Variants in SOS1 observed in about 807,000 individuals in gnomAD.
The protein encoded by SOS1 is SOS Ras/Rac guanine nucleotide exchange factor 1, also known as son of sevenless homolog 1.
Under a neutral mutation model 157.6 loss-of-function variants are expected in SOS1, and 25 were observed. The observed-to-expected ratio is 0.16, with a 90% CI of 0.12 to 0.22. The LOEUF (loss-of-function observed/expected upper bound fraction) is 0.22. Among genes scored for constraint, SOS1 ranks in the 10% least tolerant of loss-of-function variants. The probability of loss-of-function intolerance (pLI) is 1.00; values close to 1 mark genes in which losing one functional copy is unlikely to be tolerated. For synonymous variants in SOS1, 528 were observed against 534.0 expected (o/e 0.99, Z 0.16); for missense variants, 1,237 against 1,599.1 (o/e 0.77, Z 3.86).
intron 1 of SOS1, among the ~76,000 whole-genome samples, chr2:39,119,560 A>G (rs1395806040): frequency 6.6e-6 from 1 of 152,246 alleles, no homozygotes; most frequent in African/African-American, 2.4e-5. Context: ...AAAGAAAACA[A>G]AAATAGTCTG....
chr2:39,105,687 C>A (rs932224421), intron 1 of SOS1, among the ~76,000 whole-genome samples: 2 of 151,872 alleles, frequency 1.3e-5, no homozygotes, highest in African/African-American at 4.8e-5. Flanking sequence ...GACCTGAAAT[C>A]AGGAGTTCAA....
chr2:39,004,726 T>C (rs933543313), intron 17 of SOS1, among the ~76,000 whole-genome samples: 8 of 152,040 alleles, frequency 5.3e-5, no homozygotes, highest in African/African-American at 1.9e-4. Flanking sequence ...ACAAGGCAGA[T>C]TGTTTGCAGG....
chr2:39,038,334 T>C (rs574912033), intron 6 of SOS1, among the ~76,000 whole-genome samples: 15 of 152,198 alleles, frequency 9.9e-5, no homozygotes, highest in Admixed American at 5.9e-4. Context: ...GTGGTGGAAA[T>C]AGAAAGAGAA....
Position 39,051,237 on chromosome 2 carries a change from T to C in SOS1, c.771A>G (p.Val257=), listed in dbSNP as rs1671007109. Residue 257 remains valine (V), a synonymous_variant, in exon 6 of 23, where the codon GTA becomes GTG. Coordinates refer to ENST00000402219, the MANE Select transcript of SOS1 (RefSeq NM_005633.4). The part of the protein sequence containing the change: ...SRIVDIHELS[V]KLLGHIEDTV... ...TATCTTCTATATGGCCCAGTAACTT[T>C]ACACTAAGTTCATGTATATCTACTA... is the stretch of plus-strand genomic sequence containing the variant. 3 of 1,612,216 alleles carry C rather than the reference T, an allele frequency of 1.9e-6. No homozygotes were observed. Among genetic ancestry groups the C allele is most frequent in the Admixed American group, 1.7e-5 (1 of 60,008 alleles).
intron 1 of SOS1, among the ~76,000 whole-genome samples, chr2:39,074,821 C>T (rs937059815): frequency 5.3e-5 from 8 of 149,598 alleles, no homozygotes; most frequent in African/African-American, 1.7e-4. Context: ...GAGCCAAGAT[C>T]GTGCCATTGC....
intron 1 of SOS1, among the ~76,000 whole-genome samples, chr2:39,080,819 T>C (rs1280965819): frequency 6.6e-6 from 1 of 152,146 alleles, no homozygotes; most frequent in Non-Finnish European, 1.5e-5. Flanking sequence ...ATAAATAATA[T>C]TTTATAAGCA....
In SOS1 at chr2:39,022,580, A is replaced by G. The variant is rs1344852617; in HGVS notation, c.1848T>C (p.His616=). Residue 616 remains histidine, a synonymous_variant, in exon 10 of 23, where the codon CAT becomes CAC. Coordinates refer to ENST00000402219, the MANE Select transcript of SOS1 (RefSeq NM_005633.4). ...VIKLIERLTY[H]MYADPNFVRT... ...CTGCATAATTCTTACCTGCGTACAT[A>G]TGGTACGTAAGCCTCTCTATAAGTT... The G allele has an allele frequency of 1.7e-5, 27 of 1,612,266 alleles. No individual in the cohort carries two copies. The highest frequency in any genetic ancestry group is 2.3e-5 in the Non-Finnish European group (27 of 1,178,560).
chr2:39,048,198 T>C (rs1048770449), intron 6 of SOS1, among the ~76,000 whole-genome samples: 1 of 152,220 alleles, frequency 6.6e-6, no homozygotes, highest in African/African-American at 2.4e-5. Context: ...AGAACACTTA[T>C]GCTTTCTTCT....
chr2:39,107,287 T>G (rs1472355131), intron 1 of SOS1, among the ~76,000 whole-genome samples: 1 of 152,176 alleles, frequency 6.6e-6, no homozygotes, highest in Admixed American at 6.5e-5. Context: ...ATCACTGTGT[T>G]TGTGTCGAGG....
At chr2:39,015,282 T>C (rs1163729074) in intron 10 of SOS1, among the ~76,000 whole-genome samples, 1 of 151,816 alleles carries the variant, frequency 6.6e-6, no homozygotes, top group Admixed American at 6.6e-5. Flanking sequence ...TATCTAGCTT[T>C]CTTTAAATCA....
In SOS1 at chr2:39,089,078, CT is replaced by C. The variant is rs780159615; in HGVS notation, c.88-21326del. Among the ~76,000 whole-genome samples, 4 of 152,122 alleles carry C rather than the reference CT, an allele frequency of 2.6e-5. No individual in the cohort carries two copies. In the East Asian group the frequency reaches 5.8e-4, roughly 22 times the overall value. ...CCCATTTCGCTAATGATGAGTGTGC[CT>C]TTACAAAACAAAACAAAACACCTCT... On this transcript the variant is annotated intron_variant, in intron 1 of 22. Coordinates refer to ENST00000402219, the MANE Select transcript of SOS1 (RefSeq NM_005633.4).
intron 2 of SOS1, among the ~76,000 whole-genome samples, chr2:39,061,545 C>A (rs1393291303): frequency 3.3e-5 from 5 of 151,964 alleles, no homozygotes; most frequent in African/African-American, 1.2e-4. Context: ...GTGCACCATG[C>A]CCAGCTAATT....
chr2:38,987,270 G>C (rs1668585007), intron 22 of SOS1, among the ~76,000 whole-genome samples: 1 of 151,912 alleles, frequency 6.6e-6, no homozygotes, highest in African/African-American at 2.4e-5. Context: ...GGTTTACAAG[G>C]GTCTTGAATG....
intron 8 of SOS1, among the ~76,000 whole-genome samples, chr2:39,030,180 TA>T (rs1670107672): frequency 1.8e-5 from 1 of 55,552 alleles, no homozygotes; most frequent in South Asian, 5.2e-4. Flanking sequence ...AATAAATAAA[TA>T]AAAATAAAAA....
upstream of SOS1, chr2:39,124,350 C>A (rs1674001973): frequency 1.3e-5 from 2 of 152,294 alleles, no homozygotes; most frequent in Non-Finnish European, 2.9e-5. Context: ...CTTCTTTTCG[C>A]TTCCCTCCTC....
chr2:39,123,142 G>T, upstream of SOS1, among the ~76,000 whole-genome samples: 1 of 152,008 alleles, frequency 6.6e-6, no homozygotes, highest in Non-Finnish European at 1.5e-5. Context: ...TCTCAGCCTA[G>T]AACCCCTAAC....
Position 38,984,571 on chromosome 2 carries a change from T to G in SOS1, c.*1253A>C, listed in dbSNP as rs2124451041. On this transcript the variant is annotated 3_prime_UTR_variant, in exon 23 of 23. Coordinates refer to ENST00000402219, the MANE Select transcript of SOS1 (RefSeq NM_005633.4). ...ATCTTCCTATATGCCAAGCTGTGAC[T>G]TTAGATCATTCTTTAAGATTAATAC... 6.6e-6 allele frequency: 1 copy of G among 152,320 alleles called. No homozygotes were observed. The highest frequency in any genetic ancestry group is 1.9e-4 in the East Asian group (1 of 5,184). 9.4% of individuals were successfully genotyped at this position (152,320 alleles called of 1,614,324 possible). A position where few individuals can be genotyped will look rare whatever the true frequency, so the allele number is the denominator to read the frequency against.
rs1489141486 is a variant in SOS1, at chr2:39,035,217, A to G, written c.1069T>C (p.Leu357=). 3.1e-6 allele frequency: 5 copies of G among 1,609,142 alleles called. No homozygotes were observed. Among genetic ancestry groups the G allele is most frequent in the Admixed American group, 3.3e-5 (2 of 59,994 alleles). The change falls in exon 8 of 23, where the codon TTG becomes CTG. Residue 357 remains leucine (L), a synonymous_variant. Coordinates refer to ENST00000402219, the MANE Select transcript of SOS1 (RefSeq NM_005633.4). ...ACAATAAAGAGTTTTCTTACCTTCA[A>G]AAGTTCAAAGTAATGGAGACAGTGG... ...VYHCLHYFEL[L]KQLEEKSEDQ...
chr2:39,010,618 G>A lies in SOS1; in HGVS notation c.2476C>T (p.Arg826Ter). 1 of 1,610,156 alleles carries A rather than the reference G, an allele frequency of 6.2e-7. No homozygotes were observed. The highest frequency in any genetic ancestry group is 8.5e-7 in the Non-Finnish European group (1 of 1,176,482). The part of the protein sequence containing the change: ...INSPNLLKMI[R>*]HTTNLTLWFE... ...CACAGAGTGAGGTTGGTGGTATGTC[G>A]AATCATTTTCAGAAGATTAGGAGAG... The change falls in exon 15 of 23, where the codon CGA becomes TGA. Residue 826 changes from arginine to a stop codon, truncating the protein, a stop_gained. Coordinates refer to ENST00000402219, the MANE Select transcript of SOS1 (RefSeq NM_005633.4). LOFTEE classifies it high-confidence loss of function.
Sources: allele counts gnomAD v4.1 joint callset (sites outside exome capture counted in the v4.1 genomes callset), GRCh38; gene constraint gnomAD v4.1.1; transcripts MANE v1.5; gene names NCBI Gene and HGNC (gene_info 2026-07-23, HGNC 2026-07-21).